EDNRA: variants seen among roughly 807,000 people sequenced by gnomAD.
The protein encoded by EDNRA is endothelin-1 receptor.
In EDNRA, 11 loss-of-function variants were observed where a neutral mutation model predicts 41.4. That is an observed-to-expected ratio of 0.27 (90% CI 0.17 to 0.44). The LOEUF is 0.44. EDNRA is among the 20% of genes least tolerant of loss of function. EDNRA has a pLI of 1.00. For synonymous variants in EDNRA, 172 were observed against 183.0 expected (o/e 0.94, Z 0.49); for missense variants, 294 against 531.0 (o/e 0.55, Z 4.39).
chr4:147,535,785 G>T, intron 4 of EDNRA, 92 bp from the exon 5 acceptor site: 1 of 1,497,400 alleles, frequency 6.7e-7, no homozygotes, highest in Non-Finnish European at 9.0e-7. Context: ...GTATCTGCAA[G>T]TTTAAAGACC....
At position 147,543,915 on chromosome 4, in the gene EDNRA, A is replaced by G. The variant is rs1731199006; in HGVS notation, c.*1297A>G. ...ACATTGTCACCATTTCAAAGGGCCC[A>G]CAGTGACTTTTGCTGGGCATTTTCC... On this transcript the variant is annotated 3_prime_UTR_variant, in exon 8 of 8. Coordinates refer to ENST00000651419, the MANE Select transcript of EDNRA (RefSeq NM_001957.4). 1.3e-5 allele frequency: 2 copies of G among 152,610 alleles called. No individual in the cohort carries two copies. The highest frequency in any genetic ancestry group is 1.3e-4 in the Admixed American group (2 of 15,280). The allele number at this position is 152,610 out of a possible 1,614,324, so 9.5% of individuals were successfully genotyped here. A position where few individuals can be genotyped will look rare whatever the true frequency, so the allele number is the denominator to read the frequency against.
intron 2 of EDNRA, chr4:147,492,006 C>A (rs1729154900): frequency 6.6e-6 from 1 of 152,236 alleles, no homozygotes; most frequent in Non-Finnish European, 1.5e-5. Context: ...AGTCCTTCTA[C>A]CTGGAATATG....
intron 2 of EDNRA, chr4:147,490,713 A>T (rs891876165): frequency 3.9e-5 from 6 of 152,168 alleles, no homozygotes; most frequent in African/African-American, 1.4e-4. Flanking sequence ...GATTCATGAG[A>T]TTACATGTAT....
chr4:147,539,297 C>T (rs555023260), intron 5 of EDNRA, among the ~76,000 whole-genome samples: 66 of 152,104 alleles, frequency 4.3e-4, no homozygotes, highest in African/African-American at 1.6e-3. Context: ...TTCTACTCCC[C>T]ACTCCTATTT....
chr4:147,528,159 G>A (rs578169224), intron 3 of EDNRA, among the ~76,000 whole-genome samples: 49 of 152,170 alleles, frequency 3.2e-4, no homozygotes, highest in African/African-American at 1.2e-3. Context: ...GAATTCCCTA[G>A]AGATTAAGAA....
At chr4:147,500,019 G>A (rs1336417033) in intron 2 of EDNRA, among the ~76,000 whole-genome samples, 1 of 151,988 alleles carries the variant, frequency 6.6e-6, no homozygotes, top group East Asian at 1.9e-4. Flanking sequence ...TGGCCAGGCT[G>A]ATCTCGAACT....
chr4:147,512,779 G>A (rs937328792), intron 2 of EDNRA, among the ~76,000 whole-genome samples: 1 of 152,176 alleles, frequency 6.6e-6, no homozygotes, highest in Non-Finnish European at 1.5e-5. Flanking sequence ...AGCTCCCAGG[G>A]AAGATTGCTT....
chr4:147,528,721 T>C (rs1266037105), intron 3 of EDNRA, among the ~76,000 whole-genome samples: 1 of 152,092 alleles, frequency 6.6e-6, no homozygotes, highest in Non-Finnish European at 1.5e-5. Context: ...TGTAGTGCTA[T>C]GGGGAAAAAT....
chr4:147,541,607 A>G (rs1476713944), intron 7 of EDNRA, among the ~76,000 whole-genome samples: 1 of 152,222 alleles, frequency 6.6e-6, no homozygotes, highest in Admixed American at 6.5e-5. Context: ...GTTGATTACT[A>G]TTAGGGACAG....
Position 147,540,507 on chromosome 4 carries a change from T to G in EDNRA, c.1143+22T>G, listed in dbSNP as rs774264788. ...CCAGGTAAGATGATTTTTCAAGTATTTTTTAAAGACAACAAAATGAGTATA... is the reference window on the plus strand; with the variant it reads ...CCAGGTAAGATGATTTTTCAAGTATGTTTTAAAGACAACAAAATGAGTATA... On this transcript the variant is annotated intron_variant, in intron 7 of 7. Coordinates refer to ENST00000651419, the MANE Select transcript of EDNRA (RefSeq NM_001957.4). The G allele has an allele frequency of 1.0e-5, 16 of 1,549,208 alleles. No homozygotes were observed. In the African/African-American group the frequency reaches 1.5e-4, roughly 15 times the overall value.
intron 2 of EDNRA, among the ~76,000 whole-genome samples, chr4:147,510,167 A>G (rs1288215742): frequency 2.0e-5 from 3 of 152,190 alleles, no homozygotes; most frequent in Non-Finnish European, 4.4e-5. Context: ...ATGTGGAACA[A>G]TGTATCTAGT....
intron 5 of EDNRA, 36 bp downstream of exon 5, chr4:147,536,065 C>G: frequency 1.2e-6 from 2 of 1,612,258 alleles, no homozygotes; most frequent in Middle Eastern, 1.7e-4. Context: ...CTGGCCAGGA[C>G]TGGTTAGTCC....
chr4:147,507,438 A>G (rs72959595), intron 2 of EDNRA, among the ~76,000 whole-genome samples: 2,507 of 152,326 alleles, frequency 0.016, 70 homozygotes, highest in African/African-American at 0.058. Flanking sequence ...GTCAATCTCA[A>G]AAGATTGCAT....
At chr4:147,508,231 C>T (rs1012339717) in intron 2 of EDNRA, among the ~76,000 whole-genome samples, 4 of 152,154 alleles carry the variant, frequency 2.6e-5, no homozygotes, top group African/African-American at 9.7e-5. Flanking sequence ...CTCCACCTCC[C>T]GGGTTCAAGC....
intron 7 of EDNRA, among the ~76,000 whole-genome samples, chr4:147,541,438 G>C (rs1211509050): frequency 1.3e-5 from 2 of 152,188 alleles, no homozygotes; most frequent in Admixed American, 6.5e-5. Context: ...AAAGAGCCTC[G>C]ATGGACATTA....
chr4:147,505,238 C>T (rs566202376), intron 2 of EDNRA, among the ~76,000 whole-genome samples: 34 of 143,616 alleles, frequency 2.4e-4, no homozygotes, highest in African/African-American at 8.7e-4. Context: ...AGAGAGACAA[C>T]ATCTAATTCT....
Position 147,485,696 on chromosome 4 carries a change from C to A in EDNRA, c.15C>A (p.Cys5Ter). The change falls in exon 2 of 8, where the codon TGC becomes TGA. Residue 5 changes from cysteine to a stop codon, truncating the protein, a stop_gained. Coordinates refer to ENST00000651419, the MANE Select transcript of EDNRA (RefSeq NM_001957.4). LOFTEE classifies it high-confidence loss of function. ...TTTGCCTCAAGATGGAAACCCTTTG[C>A]CTCAGGGCATCCTTTTGGCTGGCAC... METL[C>*]LRASFWLALV... 1 of 1,605,416 alleles carries A rather than the reference C, an allele frequency of 6.2e-7. No homozygotes were observed. Among genetic ancestry groups the A allele is most frequent in the Admixed American group, 1.7e-5 (1 of 59,676 alleles).
At chr4:147,535,738 A>G (rs1464864340) in intron 4 of EDNRA, 139 bp from the exon 5 acceptor site, 2 of 1,062,488 alleles carry the variant, frequency 1.9e-6, no homozygotes, top group Non-Finnish European at 2.7e-6. Flanking sequence ...CCACTCCCAA[A>G]CCCATCACTG....
chr4:147,531,245 A>C (rs984015825), intron 3 of EDNRA, among the ~76,000 whole-genome samples: 11 of 152,202 alleles, frequency 7.2e-5, no homozygotes, highest in African/African-American at 2.4e-4. Flanking sequence ...TTTCTGTTAG[A>C]TTGTAAACCC....
Sources: gnomAD v4.1 joint callset for allele counts (sites outside exome capture counted in the v4.1 genomes callset) on GRCh38, gnomAD v4.1.1 for gene constraint, MANE v1.5 for transcripts, NCBI Gene and HGNC (gene_info 2026-07-23, HGNC 2026-07-21) for gene names.